The following SLC35F1 variants were observed in gnomAD, a reference collection of about 807,000 sequenced individuals.
The protein encoded by SLC35F1 is solute carrier family 35 member F1.
In SLC35F1, 14 loss-of-function variants were observed where a neutral mutation model predicts 48.7. The ratio of observed to expected loss-of-function variants is 0.29; its 90% CI spans 0.19 to 0.45. The LOEUF (loss-of-function observed/expected upper bound fraction) is 0.45, where lower values mean the gene tolerates loss of function less well. Among genes scored for constraint, SLC35F1 ranks in the 20% least tolerant of loss-of-function variants. The pLI, the probability that SLC35F1 is intolerant of heterozygous loss-of-function variation, is 1.00. For synonymous variants in SLC35F1, 190 were observed against 202.2 expected, an observed-to-expected ratio of 0.94 and a Z score of 0.51; for missense variants, 404 against 500.0, an observed-to-expected ratio of 0.81 and a Z score of 1.83.
At chr6:118,000,226 C>G (rs1479657053) in intron 1 of SLC35F1, among the ~76,000 whole-genome samples, 1 of 152,148 alleles carries the variant, frequency 6.6e-6, no homozygotes, top group Non-Finnish European at 1.5e-5. Context: ...CGGAATCCAG[C>G]AGCACATCAA....
At chr6:117,993,799 T>C (rs1776950506) in intron 1 of SLC35F1, among the ~76,000 whole-genome samples, 2 of 152,184 alleles carry the variant, frequency 1.3e-5, no homozygotes, top group South Asian at 4.1e-4. Flanking sequence ...TCAATTCAGG[T>C]TTGCTGTAAA....
At chr6:117,990,980 G>A (rs1342686671) in intron 1 of SLC35F1, among the ~76,000 whole-genome samples, 1 of 152,204 alleles carries the variant, frequency 6.6e-6, no homozygotes, top group Admixed American at 6.5e-5. Flanking sequence ...TGAAAAAAGA[G>A]TGTAAAGTGA....
chr6:118,248,580 C>T (rs928583904), intron 3 of SLC35F1, among the ~76,000 whole-genome samples: 2 of 152,076 alleles, frequency 1.3e-5, no homozygotes, highest in African/African-American at 4.8e-5. Context: ...AAAGGGGCTA[C>T]AAGCCATGGA....
chr6:117,973,340 G>T (rs551887422), intron 1 of SLC35F1, among the ~76,000 whole-genome samples: 2 of 152,228 alleles, frequency 1.3e-5, no homozygotes, highest in African/African-American at 2.4e-5. Flanking sequence ...TGAACTGGGG[G>T]TTAGGACTTC....
intron 1 of SLC35F1, among the ~76,000 whole-genome samples, chr6:117,968,056 A>C (rs116170920): frequency 2.7e-3 from 409 of 152,274 alleles, no homozygotes; most frequent in African/African-American, 9.5e-3. Flanking sequence ...ATCATTTCAT[A>C]ATTAGGTGTT....
intron 2 of SLC35F1, among the ~76,000 whole-genome samples, chr6:118,211,422 A>T (rs1271861110): frequency 6.6e-6 from 1 of 152,228 alleles, no homozygotes; most frequent in Non-Finnish European, 1.5e-5. Context: ...AACTGCCCAC[A>T]TCACACTCAT....
intron 2 of SLC35F1, among the ~76,000 whole-genome samples, chr6:118,191,417 T>C (rs73766463): frequency 0.024 from 3,618 of 152,212 alleles, 150 homozygotes; most frequent in African/African-American, 0.082. Flanking sequence ...AGTCTCATGA[T>C]TGTAGAGAAG....
chr6:117,934,763 G>A (rs1311980829), intron 1 of SLC35F1, among the ~76,000 whole-genome samples: 1 of 152,024 alleles, frequency 6.6e-6, no homozygotes, highest in African/African-American at 2.4e-5. Flanking sequence ...TTTACTCAAC[G>A]GTAAGATACA....
intron 2 of SLC35F1, among the ~76,000 whole-genome samples, chr6:118,175,733 A>T (rs184664193): frequency 2.0e-5 from 3 of 152,070 alleles, no homozygotes; most frequent in African/African-American, 7.2e-5. Context: ...ATTTTTCTGT[A>T]TGTATTCCCA....
At chr6:118,257,480 C>T (rs1352473151) in intron 3 of SLC35F1, among the ~76,000 whole-genome samples, 1 of 152,100 alleles carries the variant, frequency 6.6e-6, no homozygotes, top group Non-Finnish European at 1.5e-5. Flanking sequence ...CTGCCTTCTC[C>T]AATCCAGGTC....
At chr6:118,096,614 T>C (rs1773180245) in intron 1 of SLC35F1, among the ~76,000 whole-genome samples, 1 of 152,126 alleles carries the variant, frequency 6.6e-6, no homozygotes, top group Admixed American at 6.5e-5. Flanking sequence ...AGCCCAAGGA[T>C]TGACTGCCAG....
chr6:118,009,655 G>A (rs1252698015), intron 1 of SLC35F1, among the ~76,000 whole-genome samples: 5 of 152,076 alleles, frequency 3.3e-5, no homozygotes, highest in Non-Finnish European at 7.4e-5. Flanking sequence ...CTACAACTCT[G>A]TAAAGTACAT....
chr6:118,269,708 G>A (rs1482563033), intron 4 of SLC35F1, among the ~76,000 whole-genome samples: 2 of 151,978 alleles, frequency 1.3e-5, no homozygotes, highest in Admixed American at 1.3e-4. Context: ...AAATACTGCA[G>A]GTACTCACCA....
At position 118,146,998 on chromosome 6, in the gene SLC35F1, G is replaced by A. The variant is rs192375274; in HGVS notation, c.174-7447G>A. Among the ~76,000 whole-genome samples, 17 of 152,286 alleles carry A rather than the reference G, an allele frequency of 1.1e-4. No individual in the cohort carries two copies. In the East Asian group the frequency reaches 3.3e-3, roughly 29 times the overall value. On this transcript the variant is annotated intron_variant, in intron 1 of 7. Transcript: ENST00000360388. ...AGCTCATTATGTTAGCCTGAGTCCT[G>A]TAGAAGACAGATAGAGGCTTGTATG... is the stretch of plus-strand genomic sequence containing the variant.
Position 118,314,377 on chromosome 6 carries a change from A to T in SLC35F1, c.*125A>T, listed in dbSNP as rs1267236324. 6 of 783,714 alleles carry T rather than the reference A, an allele frequency of 7.7e-6. No individual in the cohort carries two copies. Among genetic ancestry groups the T allele is most frequent in the Non-Finnish European group, 1.0e-5 (5 of 485,170 alleles). The allele number at this position is 783,714 out of a possible 1,614,324, so 48.5% of individuals were successfully genotyped here. A position where few individuals can be genotyped will look rare whatever the true frequency, so the allele number is the denominator to read the frequency against. ...TACACAGGTGGACTGCAAGGTAGCA[A>T]ATCCTCCAAAAGCTTGTGAAAGGAA... On this transcript the variant is annotated 3_prime_UTR_variant, in exon 8 of 8. Coordinates refer to ENST00000360388, the MANE Select transcript of SLC35F1 (RefSeq NM_001029858.4).
intron 1 of SLC35F1, among the ~76,000 whole-genome samples, chr6:117,929,487 G>GTGTGTA (rs1444540719): frequency 6.7e-6 from 1 of 149,686 alleles, no homozygotes; most frequent in Non-Finnish European, 1.5e-5. Context: ...GTGTGTGTGT[G>GTGTGTA]TATAGAGAGA....
At chr6:118,236,081 T>C (rs1186221070) in intron 3 of SLC35F1, among the ~76,000 whole-genome samples, 2 of 152,202 alleles carry the variant, frequency 1.3e-5, no homozygotes, top group African/African-American at 4.8e-5. Flanking sequence ...ATCAAACTGC[T>C]TAATAATCTT....
At chr6:118,157,011 C>T (rs759055551) in intron 2 of SLC35F1, among the ~76,000 whole-genome samples, 35 of 152,216 alleles carry the variant, frequency 2.3e-4, no homozygotes, top group Non-Finnish European at 4.4e-4. Context: ...AATTACAGTA[C>T]CATCTATTGA....
chr6:118,041,988 G>T (rs1233168299), intron 1 of SLC35F1, among the ~76,000 whole-genome samples: 1 of 150,450 alleles, frequency 6.6e-6, no homozygotes, highest in East Asian at 1.9e-4. Flanking sequence ...TTATGCTATT[G>T]CACACATAGC....
Sources: allele counts gnomAD v4.1 joint callset (sites outside exome capture counted in the v4.1 genomes callset), GRCh38; gene constraint gnomAD v4.1.1; transcripts MANE v1.5; gene names NCBI Gene and HGNC (gene_info 2026-07-23, HGNC 2026-07-21).